The following SLC9C1 variants were observed in gnomAD, a reference collection of about 807,000 sequenced individuals.
SLC9C1 encodes the protein sodium/hydrogen exchanger 10.
In SLC9C1, 97 loss-of-function variants were observed where a neutral mutation model predicts 140.9. The observed-to-expected ratio is 0.69, with a 90% CI of 0.58 to 0.82. SLC9C1 has a LOEUF of 0.82. SLC9C1 is among the 40% of genes least tolerant of loss of function. The probability of loss-of-function intolerance (pLI) is 0.00; values close to 1 mark genes in which losing one functional copy is unlikely to be tolerated. For missense variants in SLC9C1, 1,340 were observed against 1,389.3 expected, an observed-to-expected ratio of 0.96 and a Z score of 0.56; for synonymous variants, 440 against 442.6, an observed-to-expected ratio of 0.99 and a Z score of 0.07.
rs765753085 is a variant in SLC9C1, at chr3:112,270,026, A to G, written c.665T>C (p.Phe222Ser). The G allele has an allele frequency of 5.8e-5, 92 of 1,595,854 alleles. No individual in the cohort carries two copies. Among genetic ancestry groups the G allele is most frequent in the African/African-American group, 1.1e-4 (8 of 74,110 alleles). ...AATCAGTTTTGAACTTAGAATTCCA[A>G]ACAAGAAACTTGCTATAATATATGA... Reference protein sequence around the residue: ...ICSYIIASFLFGILSSKLIQF... With the variant: ...ICSYIIASFLSGILSSKLIQF... Residue 222 changes from phenylalanine (F) to serine (S), a missense_variant, in exon 7 of 29, where the codon TTT becomes TCT. Coordinates refer to ENST00000305815, the MANE Select transcript of SLC9C1 (RefSeq NM_183061.3).
At chr3:112,217,352 A>C in intron 15 of SLC9C1, 90 bp downstream of exon 15, 2 of 1,443,826 alleles carry the variant, frequency 1.4e-6, no homozygotes, top group Non-Finnish European at 1.8e-6. Context: ...TAGTATAATA[A>C]CAAAAAATTC....
chr3:112,253,723 T>G (rs2079527683), intron 10 of SLC9C1, among the ~76,000 whole-genome samples: 1 of 152,180 alleles, frequency 6.6e-6, no homozygotes, highest in Non-Finnish European at 1.5e-5. Context: ...CAGAGTGTCT[T>G]ATATCCTCCA....
chr3:112,279,050 G>T (rs1402229145), intron 3 of SLC9C1, 193 bp from the exon 4 acceptor site: 6 of 461,714 alleles, frequency 1.3e-5, no homozygotes, highest in South Asian at 2.8e-5. Flanking sequence ...GATATGTGTG[G>T]AAGAATAGAA....
chr3:112,216,853 G>C (rs996684033), intron 15 of SLC9C1, among the ~76,000 whole-genome samples: 1 of 152,100 alleles, frequency 6.6e-6, no homozygotes, highest in African/African-American at 2.4e-5. Context: ...TCCCATTACT[G>C]GGTATATACC....
At chr3:112,180,401 C>A (rs529070826) in intron 22 of SLC9C1, among the ~76,000 whole-genome samples, 163 bp downstream of exon 22, 1 of 152,062 alleles carries the variant, frequency 6.6e-6, no homozygotes, top group East Asian at 1.9e-4. Context: ...TGCGTGCCTG[C>A]AATTCCAGCT....
chr3:112,200,880 A>C, intron 18 of SLC9C1, 118 bp from the exon 19 acceptor site: 1 of 856,154 alleles, frequency 1.2e-6, no homozygotes, highest in Non-Finnish European at 1.8e-6. Context: ...AGTAGGATGA[A>C]GAGGTTTTCA....
In SLC9C1 at chr3:112,244,083, T is replaced by C; in HGVS notation, c.1198-7A>G. On this transcript the variant is annotated splice_region_variant and splice_polypyrimidine_tract_variant and intron_variant, in intron 10 of 28. Coordinates refer to ENST00000305815, the MANE Select transcript of SLC9C1 (RefSeq NM_183061.3). ...ACACTCCATGAAATAATATCTAGAA[T>C]TGAAAAAAATACAAAGTAAGTATTC... 1 of 1,546,240 alleles carries C rather than the reference T, an allele frequency of 6.5e-7. No individual in the cohort carries two copies. The highest frequency in any genetic ancestry group is 8.8e-7 in the Non-Finnish European group (1 of 1,130,728).
In SLC9C1 at chr3:112,179,657, C is replaced by T. The variant is rs568994054; in HGVS notation, c.2793G>A (p.Glu931=). 2 of 1,611,544 alleles carry T rather than the reference C, an allele frequency of 1.2e-6. No homozygotes were observed. Among genetic ancestry groups the T allele is most frequent in the African/African-American group, 1.3e-5 (1 of 74,970 alleles). ...KPGLGIDQMV[E]SKEKDFPIID... is the part of the protein sequence containing the mutation. ...TTATCGGAAAATCTTTCTCCTTTGACTCCACCATTTGATCAATCCCTAAAC... is the reference window on the plus strand; with the variant it reads ...TTATCGGAAAATCTTTCTCCTTTGATTCCACCATTTGATCAATCCCTAAAC... The change falls in exon 23 of 29, where the codon GAG becomes GAA. Residue 931 remains glutamate, a synonymous_variant. Transcript: ENST00000305815.
chr3:112,265,488 A>G (rs550452239), intron 8 of SLC9C1, among the ~76,000 whole-genome samples: 3 of 152,276 alleles, frequency 2.0e-5, no homozygotes, highest in South Asian at 2.1e-4. Context: ...TAAGCTTCTT[A>G]TATCAGAATT....
At chr3:112,161,756 T>A (rs576620767) in intron 26 of SLC9C1, among the ~76,000 whole-genome samples, 1 of 151,910 alleles carries the variant, frequency 6.6e-6, no homozygotes, top group East Asian at 1.9e-4. Context: ...CGATGCGGGC[T>A]CTTTTTTGGT....
chr3:112,165,951 A>G (rs1367233202), intron 26 of SLC9C1, among the ~76,000 whole-genome samples: 2 of 152,062 alleles, frequency 1.3e-5, no homozygotes, highest in African/African-American at 4.8e-5. Context: ...TTGTTTACCT[A>G]CTCAAGCCTA....
chr3:112,193,585 T>C (rs1576312071), intron 20 of SLC9C1, among the ~76,000 whole-genome samples: 1 of 151,904 alleles, frequency 6.6e-6, no homozygotes, highest in East Asian at 1.9e-4. Flanking sequence ...GGGTAGCCCA[T>C]GGGGTTGTGT....
intron 12 of SLC9C1, among the ~76,000 whole-genome samples, chr3:112,232,038 TG>T (rs1348129257): frequency 6.6e-6 from 1 of 152,178 alleles, no homozygotes; most frequent in Non-Finnish European, 1.5e-5. Context: ...GATGAGAAAC[TG>T]AAGCTTAGAG....
At chr3:112,161,264 C>G (rs1280986691) in intron 26 of SLC9C1, among the ~76,000 whole-genome samples, 2 of 152,126 alleles carry the variant, frequency 1.3e-5, no homozygotes, top group Non-Finnish European at 2.9e-5. Flanking sequence ...TGCGGAAGCT[C>G]TTTAGTTTAA....
In SLC9C1 at chr3:112,224,510, C is replaced by T. The variant is rs2078628044; in HGVS notation, c.1573-3285G>A. On this transcript the variant is annotated intron_variant, in intron 13 of 28. Transcript: ENST00000305815. ...TAGAAACTCCCTGAAAAGGAATTTA[C>T]AATAATGATATTAAGGAAACTCAGC... Among the ~76,000 whole-genome samples, 6 of 151,878 alleles carry T rather than the reference C, an allele frequency of 4.0e-5. No homozygotes were observed. In the South Asian group the frequency reaches 1.3e-3, roughly 32 times the overall value.
At chr3:112,278,483 G>A (rs949518253) in intron 4 of SLC9C1, among the ~76,000 whole-genome samples, 1 of 151,974 alleles carries the variant, frequency 6.6e-6, no homozygotes, top group South Asian at 2.1e-4. Context: ...ATTATATCTG[G>A]TATGAAGTTA....
At chr3:112,282,843 C>T (rs758941141) in intron 2 of SLC9C1, among the ~76,000 whole-genome samples, 4 of 152,120 alleles carry the variant, frequency 2.6e-5, no homozygotes, top group Non-Finnish European at 5.9e-5. Flanking sequence ...TTTGAAGTCT[C>T]CTTGAATATT....
chr3:112,160,209 GTTAT>G (rs1053771630), intron 26 of SLC9C1, among the ~76,000 whole-genome samples: 2 of 146,992 alleles, frequency 1.4e-5, no homozygotes, highest in Non-Finnish European at 3.0e-5. Flanking sequence ...TTTTAAATAA[GTTAT>G]TTATTTATTT....
chr3:112,141,333 C>G (rs756870694), intron 28 of SLC9C1, 52 bp from the exon 29 acceptor site: 11 of 1,547,576 alleles, frequency 7.1e-6, no homozygotes, highest in African/African-American at 1.4e-5. Flanking sequence ...TTGAATCTTT[C>G]AATATTGACT....
Sources: allele counts gnomAD v4.1 joint callset (sites outside exome capture counted in the v4.1 genomes callset), GRCh38; gene constraint gnomAD v4.1.1; transcripts MANE v1.5; gene names NCBI Gene and HGNC (gene_info 2026-07-23, HGNC 2026-07-21).